Variants in GYG1 observed in about 807,000 individuals in gnomAD.
GYG1 encodes glycogenin 1.
A neutral mutation model predicts 41.9 loss-of-function variants in GYG1; 44 were observed. The ratio of observed to expected loss-of-function variants is 1.05; its 90% CI spans 0.83 to 1.35. The LOEUF is 1.35. Among genes scored for constraint, GYG1 ranks in the 40% most tolerant of loss-of-function variants. The probability of loss-of-function intolerance (pLI) is 0.00; values close to 1 mark genes in which losing one functional copy is unlikely to be tolerated. For synonymous variants in GYG1, 141 were observed against 158.1 expected, an observed-to-expected ratio of 0.89 and a Z score of 0.81; for missense variants, 429 against 418.9, an observed-to-expected ratio of 1.02 and a Z score of -0.21.
At chr3:149,025,163 C>T (rs1382516208) in intron 6 of GYG1, among the ~76,000 whole-genome samples, 1 of 152,186 alleles carries the variant, frequency 6.6e-6, no homozygotes, top group African/African-American at 2.4e-5. Flanking sequence ...CAGCAGTGGT[C>T]CCCAACCTTT....
intron 5 of GYG1, among the ~76,000 whole-genome samples, 177 bp downstream of exon 5, chr3:149,009,579 C>T (rs142360376): frequency 2.0e-5 from 3 of 152,274 alleles, no homozygotes; most frequent in African/African-American, 2.4e-5. Context: ...TATCGGTTGC[C>T]TCATGCTTGA....
chr3:149,028,906 A>C lies in GYG1; in HGVS notation c.*1973A>C, dbSNP rs1205430879. On this transcript the variant is annotated 3_prime_UTR_variant, in exon 8 of 8. Transcript: ENST00000345003. ...CAGCTAAATTTTGTATTTTTAGTAG[A>C]GACAGGTTTCACCATGTTGCCAGGA... 6.6e-6 allele frequency among the ~76,000 whole-genome samples: 1 copy of C among 152,054 alleles called. No homozygotes were observed. The highest frequency in any genetic ancestry group is 1.5e-5 in the Non-Finnish European group (1 of 68,008).
Position 149,028,480 on chromosome 3 carries a change from T to C in GYG1, c.*1547T>C, listed in dbSNP as rs913747248. 6.6e-6 allele frequency among the ~76,000 whole-genome samples: 1 copy of C among 152,180 alleles called. No homozygotes were observed. The highest frequency in any genetic ancestry group is 1.9e-4 in the East Asian group (1 of 5,194). ...TGCCTCCATGTGTCAGATGCTGTGG[T>C]ACAAAGAAGGACTTCTCAAAATTTT... On this transcript the variant is annotated 3_prime_UTR_variant, in exon 8 of 8. Transcript: ENST00000345003.
chr3:149,012,017 AC>A (rs2107906445), intron 5 of GYG1, among the ~76,000 whole-genome samples: 1 of 151,786 alleles, frequency 6.6e-6, no homozygotes, highest in Non-Finnish European at 1.5e-5. Context: ...AGATCACAGA[AC>A]TCATTTTCCC....
chr3:149,026,728 T>C, intron 7 of GYG1, 32 bp from the exon 8 acceptor site: 1 of 1,435,056 alleles, frequency 7.0e-7, no homozygotes, highest in Non-Finnish European at 9.8e-7. Context: ...GATTTTCAGC[T>C]CTCATAGAGT....
At chr3:149,011,467 CA>C (rs35512727) in intron 5 of GYG1, among the ~76,000 whole-genome samples, 4,038 of 152,290 alleles carry the variant, frequency 0.027, 69 homozygotes, top group South Asian at 0.053. Context: ...CAGTCCTGCA[CA>C]GTGAGCATGT....
At chr3:149,001,040 T>G (rs1713065761) in intron 4 of GYG1, 1 of 152,184 alleles carries the variant, frequency 6.6e-6, no homozygotes, top group Admixed American at 6.5e-5. Flanking sequence ...GAGCTAGATT[T>G]TAAAATCTTT....
intron 4 of GYG1, among the ~76,000 whole-genome samples, chr3:148,999,658 C>T (rs1053671654): frequency 6.6e-6 from 1 of 152,018 alleles, no homozygotes. Context: ...TGGCAGTAAC[C>T]TTTGCCTCTG....
At chr3:149,019,759 G>A (rs1293842101) in intron 5 of GYG1, among the ~76,000 whole-genome samples, 1 of 152,240 alleles carries the variant, frequency 6.6e-6, no homozygotes, top group African/African-American at 2.4e-5. Flanking sequence ...GAAATGCAGG[G>A]TGTGGATTGT....
intron 5 of GYG1, 91 bp from the exon 6 acceptor site, chr3:149,023,962 G>C (rs903025490): frequency 4.6e-6 from 4 of 873,538 alleles, no homozygotes; most frequent in Non-Finnish European, 7.7e-6. Flanking sequence ...TCTTAAGAAA[G>C]AAAGCTATAG....
intron 4 of GYG1, chr3:149,001,410 TG>T (rs1559836377): frequency 6.6e-6 from 1 of 152,240 alleles, no homozygotes. Flanking sequence ...GCTATTGTTA[TG>T]TCACTGTACC....
rs995170824 is a variant in GYG1 at position 149,027,506 on chromosome 3, C to T, written c.*573C>T. On this transcript the variant is annotated 3_prime_UTR_variant, in exon 8 of 8. Coordinates refer to ENST00000345003, the MANE Select transcript of GYG1 (RefSeq NM_004130.4). ...GTGTCTGAAGATGCTCACCAGTTTT[C>T]TGTGTACAGTAAGGCAGCATGCTAA... 6.4e-6 allele frequency: 1 copy of T among 156,870 alleles called. No individual in the cohort carries two copies. The highest frequency in any genetic ancestry group is 2.4e-5 in the African/African-American group (1 of 41,474). The allele number at this position is 156,870 out of a possible 1,614,324, so 9.7% of individuals were successfully genotyped here. A position where few individuals can be genotyped will look rare whatever the true frequency, so the allele number is the denominator to read the frequency against.
At chr3:149,007,573 A>T (rs1010181380) in intron 4 of GYG1, among the ~76,000 whole-genome samples, 1 of 152,242 alleles carries the variant, frequency 6.6e-6, no homozygotes, top group Non-Finnish European at 1.5e-5. Context: ...TTAAACCTAA[A>T]GTCCTGATCT....
At chr3:149,018,224 A>G (rs1478201066) in intron 5 of GYG1, among the ~76,000 whole-genome samples, 2 of 152,204 alleles carry the variant, frequency 1.3e-5, no homozygotes, top group African/African-American at 4.8e-5. Context: ...TGAAATTAAT[A>G]TCTAGATTGA....
chr3:149,026,283 C>CT (rs753010821), intron 6 of GYG1, among the ~76,000 whole-genome samples, 169 bp from the exon 7 acceptor site: 7 of 152,200 alleles, frequency 4.6e-5, no homozygotes, highest in Non-Finnish European at 1.0e-4. Context: ...AATGTGATAA[C>CT]TGAGTATGTG....
chr3:148,996,534 C>A, intron 3 of GYG1, 58 bp downstream of exon 3: 1 of 1,445,006 alleles, frequency 6.9e-7, no homozygotes, highest in South Asian at 1.1e-5. Flanking sequence ...TGATGGAGAC[C>A]TGTAGGCATT....
chr3:149,006,214 C>G (rs34627213), intron 4 of GYG1, among the ~76,000 whole-genome samples: 45,386 of 151,420 alleles, frequency 0.3, 6,751 homozygotes, highest in East Asian at 0.32. Flanking sequence ...TCCCAAGTAG[C>G]TGGAACTATA....
rs772195768 is a variant in GYG1 at position 148,996,407 on chromosome 3, G to T, written c.249G>T (p.Thr83=). 2 of 1,613,634 alleles carry T rather than the reference G, an allele frequency of 1.2e-6. No individual in the cohort carries two copies. The highest frequency in any genetic ancestry group is 1.1e-5 in the South Asian group (1 of 91,070). ...TLMKRPELGV[T]LTKLHCWSLT... ...TGAAGAGGCCAGAGTTGGGTGTCAC[G>T]CTGACAAAGCTCCACTGCTGGTCGC... The change falls in exon 3 of 8, where the codon ACG becomes ACT. Residue 83 remains threonine (T), a synonymous_variant. Coordinates refer to ENST00000345003, the MANE Select transcript of GYG1 (RefSeq NM_004130.4).
chr3:148,991,960 G>A (rs1000405725), intron 1 of GYG1, among the ~76,000 whole-genome samples: 3 of 152,158 alleles, frequency 2.0e-5, no homozygotes, highest in Admixed American at 2.0e-4. Flanking sequence ...CTGCGGCGGG[G>A]CCGTGTGGGG....
Sources: gnomAD v4.1 joint callset for allele counts (sites outside exome capture counted in the v4.1 genomes callset) on GRCh38, gnomAD v4.1.1 for gene constraint, MANE v1.5 for transcripts, NCBI Gene and HGNC (gene_info 2026-07-23, HGNC 2026-07-21) for gene names.